Variants in STK11 observed in about 807,000 individuals in gnomAD.
The protein encoded by STK11 is serine/threonine-protein kinase STK11.
Under a neutral mutation model 47.3 loss-of-function variants are expected in STK11, and 8 were observed. The observed-to-expected ratio is 0.17, with a 90% CI of 0.10 to 0.31. The LOEUF (loss-of-function observed/expected upper bound fraction) is 0.31, where lower values mean the gene tolerates loss of function less well. Ranked by LOEUF, STK11 falls within the 10% of genes least tolerant of loss-of-function variation. STK11 has a pLI of 1.00. For synonymous variants in STK11, 330 were observed against 255.8 expected, an observed-to-expected ratio of 1.29 and a Z score of -2.77; for missense variants, 475 against 605.0, an observed-to-expected ratio of 0.79 and a Z score of 2.25.
rs1045327068 is a variant in STK11, at chr19:1,222,933, G to A, written c.921-52G>A. On this transcript the variant is annotated intron_variant, in intron 7 of 9. Coordinates refer to ENST00000326873, the MANE Select transcript of STK11 (RefSeq NM_000455.5). ...CCCAGAGGAGCTGGGTCGGAAAACT[G>A]GACCGCCCTGGTGCCAGCCTGACAG... The A allele has an allele frequency of 9.4e-6, 14 of 1,493,346 alleles. No individual in the cohort carries two copies. In the African/African-American group the frequency reaches 1.9e-4, roughly 21 times the overall value. The allele number at this position is 1,493,346 out of a possible 1,614,324, so 92.5% of individuals were successfully genotyped here.
intron 8 of STK11, chr19:1,226,060 C>A: frequency 1.9e-6 from 2 of 1,047,766 alleles, no homozygotes; most frequent in Non-Finnish European, 2.3e-6. Context: ...CACAGATGAG[C>A]ATGTGGCGGC....
intron 8 of STK11, chr19:1,225,820 G>A: frequency 1.0e-6 from 1 of 986,050 alleles, no homozygotes; most frequent in Non-Finnish European, 1.2e-6. Context: ...ACAGTACGTG[G>A]GCAGCTTCCT....
chr19:1,224,965 T>C, intron 8 of STK11: 1 of 985,540 alleles, frequency 1.0e-6, no homozygotes, highest in Non-Finnish European at 1.2e-6. Flanking sequence ...CGCCCTCGGG[T>C]CAGGCCATCC....
chr19:1,209,814 G>A (rs2080697042), intron 1 of STK11, among the ~76,000 whole-genome samples: 1 of 152,034 alleles, frequency 6.6e-6, no homozygotes, highest in Non-Finnish European at 1.5e-5. Context: ...CAGGCAAGAA[G>A]GTTGCAGGAA....
intron 1 of STK11, among the ~76,000 whole-genome samples, chr19:1,211,669 TTTTC>T (rs1419676148): frequency 3.3e-5 from 5 of 152,350 alleles, no homozygotes; most frequent in Non-Finnish European, 2.9e-5. Flanking sequence ...CTTTCGTATC[TTTTC>T]TTTCTACCTG....
intron 2 of STK11, 90 bp from the exon 3 acceptor site, chr19:1,219,234 G>A (rs1368144767): frequency 6.9e-7 from 1 of 1,450,216 alleles, no homozygotes; most frequent in Admixed American, 2.0e-5. Context: ...TGGGTGCAGA[G>A]GGTCCCTCCA....
chr19:1,210,657 G>A (rs2080703556), intron 1 of STK11, among the ~76,000 whole-genome samples: 1 of 149,206 alleles, frequency 6.7e-6, no homozygotes, highest in Non-Finnish European at 1.5e-5. Context: ...ATCACCCGAG[G>A]TTGGGAGTTA....
intron 9 of STK11, 81 bp from the exon 10 acceptor site, chr19:1,227,512 T>C (rs2080834121): frequency 1.9e-6 from 2 of 1,059,444 alleles, no homozygotes; most frequent in Non-Finnish European, 2.3e-6. Context: ...GTACCTCAGC[T>C]TCTCCATCCT....
chr19:1,212,558 C>G (rs1048174329), intron 1 of STK11, among the ~76,000 whole-genome samples: 8 of 151,518 alleles, frequency 5.3e-5, no homozygotes, highest in Admixed American at 5.3e-4. Context: ...CCACGTTCAC[C>G]TTTATTTACT....
intron 7 of STK11, 146 bp from the exon 8 acceptor site, chr19:1,222,839 C>G: frequency 1.1e-6 from 1 of 906,414 alleles, no homozygotes; most frequent in South Asian, 1.8e-5. Flanking sequence ...CATGGCTGAG[C>G]TTCTGTGGTC....
At chr19:1,216,016 A>T (rs917529203) in intron 1 of STK11, among the ~76,000 whole-genome samples, 6 of 149,814 alleles carry the variant, frequency 4.0e-5, no homozygotes, top group Non-Finnish European at 7.4e-5. Context: ...TACAGGCGTG[A>T]GTCACCGCGC....
chr19:1,224,177 G>T, intron 8 of STK11: 1 of 986,030 alleles, frequency 1.0e-6, no homozygotes, highest in East Asian at 1.1e-4. Context: ...CGAGAGCACA[G>T]TGTATGGGGG....
intron 5 of STK11, 83 bp from the exon 6 acceptor site, chr19:1,221,130 C>G: frequency 6.3e-7 from 1 of 1,576,296 alleles, no homozygotes; most frequent in South Asian, 1.1e-5. Context: ...CGGGACGCCT[C>G]TGTCCCTGGG....
chr19:1,211,145 C>T (rs924072279), intron 1 of STK11, among the ~76,000 whole-genome samples: 4 of 152,302 alleles, frequency 2.6e-5, no homozygotes, highest in East Asian at 1.9e-4. Context: ...CGTGGTGGCG[C>T]GCGCCTGTAG....
intron 8 of STK11, chr19:1,224,515 A>G (rs753494676): frequency 1.0e-6 from 1 of 985,320 alleles, no homozygotes; most frequent in Non-Finnish European, 1.2e-6. Flanking sequence ...CCCAGGCAGG[A>G]GGGCCAGTTA....
intron 8 of STK11, 56 bp downstream of exon 8, chr19:1,223,228 G>A (rs2080798709): frequency 1.7e-5 from 27 of 1,562,566 alleles, no homozygotes; most frequent in South Asian, 9.3e-5. Context: ...GATGTCCCAC[G>A]GGAGCAGGGT....
In STK11 at chr19:1,228,430, G is replaced by C. The variant is rs1045430600; in HGVS notation, c.*854G>C. 4.5e-6 allele frequency: 1 copy of C among 222,976 alleles called. No individual in the cohort carries two copies. The highest frequency in any genetic ancestry group is 9.0e-6 in the Non-Finnish European group (1 of 111,476). 13.8% of individuals were successfully genotyped at this position (222,976 alleles called of 1,614,324 possible). ...CAATAAATAAAGCTTGGGAAGCTTGGACCTGGCCGTCTGGGTTTTGTTCGC... is the reference window on the plus strand; with the variant it reads ...CAATAAATAAAGCTTGGGAAGCTTGCACCTGGCCGTCTGGGTTTTGTTCGC... On this transcript the variant is annotated 3_prime_UTR_variant, in exon 10 of 10. Transcript: ENST00000326873.
At chr19:1,209,623 TAA>T (rs2080695636) in intron 1 of STK11, among the ~76,000 whole-genome samples, 1 of 150,664 alleles carries the variant, frequency 6.6e-6, no homozygotes, top group Non-Finnish European at 1.5e-5. Flanking sequence ...AATAAATAAA[TAA>T]ATCTGGCTTG....
intron 5 of STK11, 134 bp downstream of exon 5, chr19:1,220,851 G>T: frequency 7.3e-7 from 1 of 1,362,200 alleles, no homozygotes; most frequent in Non-Finnish European, 9.9e-7. Flanking sequence ...CCGCTAGGGG[G>T]TGCTTACTTT....
Sources: gnomAD v4.1 joint callset for allele counts (sites outside exome capture counted in the v4.1 genomes callset) on GRCh38, gnomAD v4.1.1 for gene constraint, MANE v1.5 for transcripts, NCBI Gene and HGNC (gene_info 2026-07-23, HGNC 2026-07-21) for gene names.